The following STRN variants were observed in gnomAD, a reference collection of about 807,000 sequenced individuals.
STRN encodes the protein striatin.
STRN carries 53 observed loss-of-function variants against 96.3 expected under a neutral mutation model. The observed-to-expected ratio is 0.55, with a 90% CI of 0.44 to 0.69. The LOEUF (loss-of-function observed/expected upper bound fraction) is 0.69, where lower values mean the gene tolerates loss of function less well. STRN is among the 30% of genes least tolerant of loss of function. The pLI is 0.00. For synonymous variants in STRN, 428 were observed against 355.9 expected (o/e 1.20, Z -2.28); for missense variants, 987 against 963.9 (o/e 1.02, Z -0.32).
intron 6 of STRN, among the ~76,000 whole-genome samples, chr2:36,895,025 A>G (rs1669501236): frequency 6.6e-6 from 1 of 152,136 alleles, no homozygotes; most frequent in Non-Finnish European, 1.5e-5. Context: ...GTCCTGATAC[A>G]TATAAAAACT....
chr2:36,927,331 G>A (rs1167606004), intron 1 of STRN, among the ~76,000 whole-genome samples: 1 of 151,852 alleles, frequency 6.6e-6, no homozygotes, highest in African/African-American at 2.4e-5. Flanking sequence ...AACATAGCGA[G>A]ACCACGTCCC....
chr2:36,851,890 G>A lies in STRN; in HGVS notation c.1979-783C>T, dbSNP rs374630316. On this transcript the variant is annotated intron_variant, in intron 15 of 17. Transcript: ENST00000263918. ...ACTCTTCCTCATCATAATAGAAATG[G>A]TCATTTGACAGAACTAGGTTTGGAA... 1.3e-4 allele frequency among the ~76,000 whole-genome samples: 20 copies of A among 152,226 alleles called. No homozygotes were observed. The South Asian group carries it at 3.5e-3, about 27-fold the overall frequency.
intron 5 of STRN, among the ~76,000 whole-genome samples, chr2:36,902,368 G>C (rs1198330950): frequency 1.3e-5 from 2 of 151,968 alleles, no homozygotes; most frequent in East Asian, 3.8e-4. Context: ...TTAAATATCT[G>C]TATTAAATAA....
At chr2:36,932,389 G>A (rs942892235) in intron 1 of STRN, among the ~76,000 whole-genome samples, 2 of 151,906 alleles carry the variant, frequency 1.3e-5, no homozygotes, top group South Asian at 2.1e-4. Context: ...TCCTGACCTC[G>A]GGTGATCTGC....
rs149965545 is a variant in STRN, at chr2:36,956,525, T to C, written c.234+9705A>G. ...CAATTTTATTTCTAATGGCCCAGAA[T>C]TGAAACCTGGATGCTACACACATTA... On this transcript the variant is annotated intron_variant, in intron 1 of 17. Coordinates refer to ENST00000263918, the MANE Select transcript of STRN (RefSeq NM_003162.4). Among the ~76,000 whole-genome samples the C allele has an allele frequency of 3.5e-3, 528 of 152,180 alleles. 6 individuals carry two copies. Among genetic ancestry groups the C allele is most frequent in the African/African-American group, 0.012 (504 of 41,528 alleles).
In STRN at chr2:36,884,071, G is replaced by A; in HGVS notation, c.1047C>T (p.Pro349=). 1 of 1,342,538 alleles carries A rather than the reference G, an allele frequency of 7.4e-7. No homozygotes were observed. Among genetic ancestry groups the A allele is most frequent in the Non-Finnish European group, 9.6e-7 (1 of 1,037,092 alleles). The allele number at this position is 1,342,538 out of a possible 1,614,324, so 83.2% of individuals were successfully genotyped here. The part of the protein sequence containing the change: ...ERKGKKGVKR[P]NRSKLQDMLA... Reference sequence around the variant, plus strand: ...GCATATCTTGTAGTTTTGACCTATTGGGCCCTAGCCAAAAAAAGGGGGGGT... The same window carrying A: ...GCATATCTTGTAGTTTTGACCTATTAGGCCCTAGCCAAAAAAAGGGGGGGT... The change falls in exon 9 of 18, where the codon CCC becomes CCT. Residue 349 remains proline (P), a synonymous_variant. Coordinates refer to ENST00000263918, the MANE Select transcript of STRN (RefSeq NM_003162.4).
intron 1 of STRN, among the ~76,000 whole-genome samples, chr2:36,957,756 T>TTG (rs1033595480): frequency 9.3e-5 from 10 of 107,532 alleles, no homozygotes; most frequent in African/African-American, 1.4e-4. Context: ...TTTTTTTTTT[T>TTG]TTTTTTTTTT....
intron 1 of STRN, among the ~76,000 whole-genome samples, chr2:36,948,236 G>T (rs527278136): frequency 6.6e-6 from 1 of 151,220 alleles, no homozygotes; most frequent in Non-Finnish European, 1.5e-5. Flanking sequence ...TGAGTAGCTG[G>T]GATTACAGGC....
chr2:36,955,499 AGAGTT>A (rs1664863538), intron 1 of STRN, among the ~76,000 whole-genome samples: 1 of 152,200 alleles, frequency 6.6e-6, no homozygotes, highest in Non-Finnish European at 1.5e-5. Context: ...ACATCTTTGT[AGAGTT>A]AAGAACAGGT....
chr2:36,886,967 A>ATG, intron 7 of STRN, 141 bp from the exon 8 acceptor site: 1 of 559,760 alleles, frequency 1.8e-6, no homozygotes, highest in South Asian at 3.0e-5. Context: ...TTTTATATAT[A>ATG]TAAGTCACAC....
rs551828265 is a variant in STRN at position 36,956,152 on chromosome 2, G to A, written c.234+10078C>T. ...AATGTAAGTAGCTACTATGATAAAC[G>A]GATCACTGAAACTGGTTCTTGGCTT... On this transcript the variant is annotated intron_variant, in intron 1 of 17. Coordinates refer to ENST00000263918, the MANE Select transcript of STRN (RefSeq NM_003162.4). Among the ~76,000 whole-genome samples the A allele has an allele frequency of 5.9e-5, 9 of 152,182 alleles. No individual in the cohort carries two copies. The East Asian group carries it at 7.7e-4, about 13-fold the overall frequency.
chr2:36,869,616 T>C lies in STRN; in HGVS notation c.1437A>G (p.Ile479Met). The C allele has an allele frequency of 6.2e-7, 1 of 1,612,000 alleles. No homozygotes were observed. Among genetic ancestry groups the C allele is most frequent in the Non-Finnish European group, 8.5e-7 (1 of 1,178,988 alleles). Reference protein sequence around the residue: ...LAFHPIEPVLITASEDHTLKM... With the variant: ...LAFHPIEPVLMTASEDHTLKM... ...TTAATGTGTGATCCTCTGATGCTGT[T>C]ATCAAAACAGGCTCAATGGGATGGA... Residue 479 changes from isoleucine (I) to methionine (M), a missense_variant, in exon 11 of 18, where the codon ATA becomes ATG. Physicochemically the swap from Ile to Met is conservative, Grantham distance 10. Transcript: ENST00000263918.
chr2:36,875,454 T>C (rs997111267), intron 10 of STRN, among the ~76,000 whole-genome samples: 6 of 138,376 alleles, frequency 4.3e-5, no homozygotes, highest in Admixed American at 3.3e-4. Flanking sequence ...TACAGTGAGC[T>C]GTGATCACAC....
chr2:36,899,705 G>A (rs527646580), intron 5 of STRN, 47 bp from the exon 6 acceptor site: 25 of 1,497,576 alleles, frequency 1.7e-5, no homozygotes, highest in South Asian at 3.9e-5. Context: ...TTTTAACTTC[G>A]ACATAAGAAG....
intron 2 of STRN, 70 bp downstream of exon 2, chr2:36,925,035 A>G: frequency 7.0e-7 from 1 of 1,421,220 alleles, no homozygotes; most frequent in Non-Finnish European, 9.9e-7. Context: ...CAGCCTGGGC[A>G]ACAAGAACGA....
intron 5 of STRN, among the ~76,000 whole-genome samples, chr2:36,900,377 G>C (rs1219368664): frequency 6.6e-6 from 1 of 151,130 alleles, no homozygotes; most frequent in African/African-American, 2.4e-5. Flanking sequence ...ACACAACTAA[G>C]AAAATAACAA....
intron 1 of STRN, among the ~76,000 whole-genome samples, chr2:36,937,794 T>C (rs184968156): frequency 8.7e-4 from 133 of 152,266 alleles, no homozygotes; most frequent in African/African-American, 2.9e-3. Context: ...CTTGAAAAGA[T>C]AGTTTAGAAA....
intron 1 of STRN, among the ~76,000 whole-genome samples, chr2:36,942,907 G>C (rs149289291): frequency 2.5e-4 from 38 of 152,198 alleles, no homozygotes; most frequent in African/African-American, 8.9e-4. Context: ...TGTTGGCCAG[G>C]CTGGTGTCGA....
At position 36,869,709 on chromosome 2, in the gene STRN, T is replaced by A. The variant is rs1435686174; in HGVS notation, c.1344A>T (p.Ala448=). Residue 448 remains alanine (A), a synonymous_variant, in exon 11 of 18, where the codon GCA becomes GCT. Transcript: ENST00000263918. ...ACTTAGGGTTCCATGTCTTCCTCAA[T>A]GCATCTTTATTGTTTGCTATCTATT... ...LTYDIANNKD[A]LRKTWNPKFT... The A allele has an allele frequency of 2.5e-6, 4 of 1,605,460 alleles. No homozygotes were observed. The Admixed American group carries it at 6.9e-5, about 28-fold the overall frequency.
Sources: gnomAD v4.1 joint callset for allele counts (sites outside exome capture counted in the v4.1 genomes callset) on GRCh38, gnomAD v4.1.1 for gene constraint, MANE v1.5 for transcripts, NCBI Gene and HGNC (gene_info 2026-07-23, HGNC 2026-07-21) for gene names.